The following OPCML variants were observed in gnomAD, a reference collection of about 807,000 sequenced individuals.
OPCML encodes opioid-binding protein/cell adhesion molecule.
A neutral mutation model predicts 37.8 loss-of-function variants in OPCML; 13 were observed. The ratio of observed to expected loss-of-function variants is 0.34; its 90% CI spans 0.22 to 0.55. The LOEUF is 0.55. Among genes scored for constraint, OPCML ranks in the 20% least tolerant of loss-of-function variants. The pLI, the probability that OPCML is intolerant of heterozygous loss-of-function variation, is 0.91. For missense variants in OPCML, 341 were observed against 435.6 expected, an observed-to-expected ratio of 0.78 and a Z score of 1.93; for synonymous variants, 176 against 168.8, an observed-to-expected ratio of 1.04 and a Z score of -0.33.
chr11:133,007,679 G>C, intron 1 of OPCML: 12 of 985,414 alleles, frequency 1.2e-5, no homozygotes, highest in Non-Finnish European at 1.4e-5. Flanking sequence ...TAGGCACACA[G>C]AGAGATGAAG....
chr11:132,503,170 C>T (rs2096249272), intron 4 of OPCML, among the ~76,000 whole-genome samples: 1 of 152,122 alleles, frequency 6.6e-6, no homozygotes, highest in Admixed American at 6.5e-5. Context: ...GTTGAAGAAC[C>T]TGAGTTTAAC....
chr11:132,934,121 C>T (rs1048730112), intron 2 of OPCML, among the ~76,000 whole-genome samples: 3 of 152,164 alleles, frequency 2.0e-5, no homozygotes, highest in African/African-American at 7.2e-5. Flanking sequence ...CTAGACCTCC[C>T]CTGCTGCCTG....
chr11:133,254,257 C>G (rs1941241867), intron 1 of OPCML, among the ~76,000 whole-genome samples: 1 of 152,098 alleles, frequency 6.6e-6, no homozygotes, highest in African/African-American at 2.4e-5. Flanking sequence ...TTTTGGGCAG[C>G]AGGAAAGGCG....
chr11:133,190,150 A>G (rs1047611442), intron 1 of OPCML, among the ~76,000 whole-genome samples: 7 of 152,214 alleles, frequency 4.6e-5, no homozygotes, highest in African/African-American at 1.7e-4. Flanking sequence ...GAGTCCAAAC[A>G]TGCTGTGACC....
chr11:132,446,030 G>A (rs992044217), intron 4 of OPCML, among the ~76,000 whole-genome samples: 3 of 148,052 alleles, frequency 2.0e-5, no homozygotes, highest in Admixed American at 2.0e-4. Context: ...ATAGTCAAAC[G>A]AAGAGCATGA....
chr11:132,778,139 G>T (rs1272520077), intron 2 of OPCML, among the ~76,000 whole-genome samples: 1 of 152,196 alleles, frequency 6.6e-6, no homozygotes, highest in Admixed American at 6.5e-5. Flanking sequence ...GGGAGCAAAG[G>T]CATGTTGTGT....
chr11:133,368,141 C>T (rs1379686937), intron 1 of OPCML, among the ~76,000 whole-genome samples: 2 of 151,846 alleles, frequency 1.3e-5, no homozygotes, highest in African/African-American at 2.4e-5. Context: ...CTCACACTTT[C>T]ACTCCCTTTG....
At chr11:132,549,052 CAGG>C (rs1167506557) in intron 3 of OPCML, among the ~76,000 whole-genome samples, 1 of 152,060 alleles carries the variant, frequency 6.6e-6, no homozygotes, top group Non-Finnish European at 1.5e-5. Flanking sequence ...GCTGCATTCC[CAGG>C]AGGTTAGGCA....
chr11:133,380,264 G>T (rs1462407342), intron 1 of OPCML, among the ~76,000 whole-genome samples: 1 of 152,084 alleles, frequency 6.6e-6, no homozygotes, highest in Non-Finnish European at 1.5e-5. Context: ...AGACCCAAAA[G>T]AATAAAGACA....
chr11:133,463,119 C>CAAAAAAAAAA (rs558107695), intron 1 of OPCML, among the ~76,000 whole-genome samples: 1 of 49,892 alleles, frequency 2.0e-5, no homozygotes, highest in African/African-American at 5.9e-5. Flanking sequence ...ACATCAGGCT[C>CAAAAAAAAAA]AAAAAAAAAA....
intron 2 of OPCML, among the ~76,000 whole-genome samples, chr11:132,827,807 A>ATTTT (rs71477776): frequency 0.077 from 11,468 of 148,998 alleles, 496 homozygotes; most frequent in African/African-American, 0.087. Context: ...GCCTGGCTGA[A>ATTTT]TTTTTTTTTT....
chr11:132,722,306 T>C (rs1197207439), intron 2 of OPCML, among the ~76,000 whole-genome samples: 2 of 151,782 alleles, frequency 1.3e-5, no homozygotes, highest in African/African-American at 2.4e-5. Context: ...TCACACCACA[T>C]CCATTTTATA....
chr11:133,436,300 A>T (rs1406807976), intron 1 of OPCML, among the ~76,000 whole-genome samples: 4 of 152,146 alleles, frequency 2.6e-5, no homozygotes, highest in African/African-American at 7.2e-5. Flanking sequence ...TGGTTCCTCC[A>T]TTTGGTGTAT....
intron 1 of OPCML, among the ~76,000 whole-genome samples, chr11:132,946,982 T>C (rs1481282701): frequency 1.3e-5 from 2 of 152,226 alleles, no homozygotes; most frequent in Non-Finnish European, 2.9e-5. Flanking sequence ...TTTTCTTCAG[T>C]TGCAGAGTTT....
intron 3 of OPCML, among the ~76,000 whole-genome samples, chr11:132,604,652 T>C (rs915268001): frequency 6.6e-6 from 1 of 152,188 alleles, no homozygotes; most frequent in African/African-American, 2.4e-5. Context: ...GACTTTCTTG[T>C]TTTGTTTGAA....
intron 2 of OPCML, among the ~76,000 whole-genome samples, chr11:132,861,838 TAA>T (rs58457650): frequency 2.4e-4 from 23 of 94,348 alleles, no homozygotes; most frequent in Admixed American, 6.6e-4. Context: ...CCATCTCAAA[TAA>T]AAAAAAAAAA....
intron 1 of OPCML, among the ~76,000 whole-genome samples, chr11:133,157,117 C>T (rs1003196337): frequency 6.6e-6 from 1 of 152,038 alleles, no homozygotes; most frequent in Non-Finnish European, 1.5e-5. Flanking sequence ...TCAGAGGGAG[C>T]CGGCAATTTC....
At chr11:132,916,640 G>T (rs926532397) in intron 2 of OPCML, among the ~76,000 whole-genome samples, 1 of 152,308 alleles carries the variant, frequency 6.6e-6, no homozygotes. Flanking sequence ...GCTGAAGGAA[G>T]GTGGTAGAAT....
Position 132,561,975 on chromosome 11 carries a change from A to G in OPCML, c.380-32789T>C, listed in dbSNP as rs184584632. Among the ~76,000 whole-genome samples the G allele has an allele frequency of 5.0e-4, 76 of 152,316 alleles. 1 individual carries two copies. The highest frequency in any genetic ancestry group is 1.8e-3 in the African/African-American group (73 of 41,570). On this transcript the variant is annotated intron_variant, in intron 3 of 7. Coordinates refer to ENST00000524381, the MANE Select transcript of OPCML (RefSeq NM_001012393.5). ...AGAAGGAGAGTTACAAAAGAGCCAT[A>G]CTTGTATTAGACCGAACTGAAGGCT...
Sources: gnomAD v4.1 joint callset for allele counts (sites outside exome capture counted in the v4.1 genomes callset) on GRCh38, gnomAD v4.1.1 for gene constraint, MANE v1.5 for transcripts, NCBI Gene and HGNC (gene_info 2026-07-23, HGNC 2026-07-21) for gene names.